The following INSR variants were observed in gnomAD, a reference collection of about 807,000 sequenced individuals.
The protein encoded by INSR is insulin receptor, also known as IR.
Under a neutral mutation model 142.6 loss-of-function variants are expected in INSR, and 67 were observed. That is an observed-to-expected ratio of 0.47 (90% CI 0.39 to 0.58). INSR has a LOEUF of 0.58. INSR is among the 20% of genes least tolerant of loss of function. INSR has a pLI of 0.00. For synonymous variants in INSR, 756 were observed against 743.1 expected (o/e 1.02, Z -0.28); for missense variants, 1,248 against 1,833.2 (o/e 0.68, Z 5.83).
chr19:7,148,598 C>T (rs1315114234), intron 11 of INSR, among the ~76,000 whole-genome samples: 2 of 150,720 alleles, frequency 1.3e-5, no homozygotes, highest in Non-Finnish European at 2.9e-5. Context: ...CTGCCTCGGC[C>T]TCCCAAGTAG....
At chr19:7,259,015 C>T (rs1266860178) in intron 2 of INSR, among the ~76,000 whole-genome samples, 1 of 133,792 alleles carries the variant, frequency 7.5e-6, no homozygotes, top group Non-Finnish European at 1.6e-5. Context: ...TTTCATTTCT[C>T]CTTCCCTCCT....
chr19:7,266,899 G>A (rs1967749356), intron 2 of INSR, among the ~76,000 whole-genome samples: 1 of 151,968 alleles, frequency 6.6e-6, no homozygotes, highest in Non-Finnish European at 1.5e-5. Context: ...AATCAGATAA[G>A]AACTAAACTA....
chr19:7,249,062 C>T (rs1266539557), intron 2 of INSR, among the ~76,000 whole-genome samples: 1 of 152,046 alleles, frequency 6.6e-6, no homozygotes, highest in Non-Finnish European at 1.5e-5. Context: ...CCCATGTCCC[C>T]CAGTATCTTT....
At chr19:7,118,769 G>T (rs968836834) in intron 21 of INSR, among the ~76,000 whole-genome samples, 1 of 128,812 alleles carries the variant, frequency 7.8e-6, no homozygotes, top group African/African-American at 2.8e-5. Context: ...AAAAAAATTA[G>T]CCAGGCGCGG....
chr19:7,125,398 C>A lies in INSR; in HGVS notation c.3143G>T (p.Gly1048Val). 2 of 1,614,158 alleles carry A rather than the reference C, an allele frequency of 1.2e-6. No individual in the cohort carries two copies. The highest frequency in any genetic ancestry group is 1.7e-6 in the Non-Finnish European group (2 of 1,180,034). ...CACCGCCACGCGGGTCTCTGCCTCA[C>A]CCTTGATGATGTCCCTGGCATTGCC... ...YEGNARDIIKGEAETRVAVKT... is the reference protein window; with the variant it reads ...YEGNARDIIKVEAETRVAVKT... The change falls in exon 17 of 22, where the codon GGT (glycine) becomes GTT (valine). Residue 1048 changes from glycine (G) to valine (V), a missense_variant. By Grantham distance (109) the Gly-to-Val change is moderately radical. Coordinates refer to ENST00000302850, the MANE Select transcript of INSR (RefSeq NM_000208.4). The surrounding 1 kb of genome is among the most constrained non-coding windows in gnomAD (Gnocchi z 4.9).
At chr19:7,134,720 G>A (rs1225710384) in intron 13 of INSR, among the ~76,000 whole-genome samples, 3 of 151,954 alleles carry the variant, frequency 2.0e-5, no homozygotes, top group Non-Finnish European at 4.4e-5. Flanking sequence ...AGTCGAGATC[G>A]TGACACTGCA....
intron 2 of INSR, among the ~76,000 whole-genome samples, chr19:7,215,144 A>G (rs1438617648): frequency 6.6e-6 from 1 of 152,010 alleles, no homozygotes; most frequent in Non-Finnish European, 1.5e-5. Context: ...TTGTAGACAA[A>G]GGTCATACAG....
chr19:7,239,402 C>CA (rs1289311895), intron 2 of INSR, among the ~76,000 whole-genome samples: 1 of 150,854 alleles, frequency 6.6e-6, no homozygotes, highest in Non-Finnish European at 1.5e-5. Context: ...CAGGGAGATG[C>CA]AAAAGAATAC....
At chr19:7,249,720 C>T (rs754493466) in intron 2 of INSR, among the ~76,000 whole-genome samples, 52 of 152,170 alleles carry the variant, frequency 3.4e-4, no homozygotes, top group Non-Finnish European at 4.6e-4. Flanking sequence ...CGGCTGGGCG[C>T]GGTGGCTCAC....
At position 7,117,035 on chromosome 19, in the gene INSR, C is replaced by T. The variant is rs201450420; in HGVS notation, c.*21G>A. On this transcript the variant is annotated 3_prime_UTR_variant, in exon 22 of 22. Coordinates refer to ENST00000302850, the MANE Select transcript of INSR (RefSeq NM_000208.4). ...AAGCGAAAATGGGAACCCCTGCCCG[C>T]CCCCGCCACGGTAGGCACTGTTAGG... The T allele has an allele frequency of 6.9e-6, 11 of 1,599,170 alleles. No individual in the cohort carries two copies. In the African/African-American group the frequency reaches 8.0e-5, roughly 12 times the overall value.
At position 7,171,917 on chromosome 19, in the gene INSR, C is replaced by CT. The variant is rs375076576; in HGVS notation, c.1268+372dup. Among the ~76,000 whole-genome samples, 1,107 of 137,522 alleles carry CT rather than the reference C, an allele frequency of 8.0e-3. 21 individuals carry two copies. The highest frequency in any genetic ancestry group is 0.052 in the Middle Eastern group (14 of 270). 90.2% of individuals were successfully genotyped at this position (137,522 alleles called of 152,430 possible). On this transcript the variant is annotated intron_variant, in intron 5 of 21. Transcript: ENST00000302850. ...ATCCTTAAGTTTTTCCTTTTCTTTT[C>CT]TTTTTTTTTTTTTGGACAGAGTCTC...
intron 2 of INSR, among the ~76,000 whole-genome samples, chr19:7,211,632 T>G (rs945626484): frequency 6.6e-6 from 1 of 152,014 alleles, no homozygotes; most frequent in African/African-American, 2.4e-5. Flanking sequence ...AACCAAAACA[T>G]GCACAATCCC....
rs1241377777 is a variant in INSR, at chr19:7,167,949, C to T, written c.1610+19G>A. The T allele has an allele frequency of 6.2e-7, 1 of 1,613,830 alleles. No individual in the cohort carries two copies. The highest frequency in any genetic ancestry group is 8.5e-7 in the Non-Finnish European group (1 of 1,179,866). On this transcript the variant is annotated intron_variant, in intron 7 of 21. Coordinates refer to ENST00000302850, the MANE Select transcript of INSR (RefSeq NM_000208.4). ...GCCAGCCCTCGCCTCCTCAGCGTCT[C>T]TCTAACTCTTCTACTTACGCCTCTT...
At chr19:7,228,140 G>T (rs955294304) in intron 2 of INSR, among the ~76,000 whole-genome samples, 1 of 152,158 alleles carries the variant, frequency 6.6e-6, no homozygotes, top group Non-Finnish European at 1.5e-5. Flanking sequence ...TAACTTTAGT[G>T]ATGACACAGG....
intron 1 of INSR, among the ~76,000 whole-genome samples, chr19:7,293,056 A>T (rs1968539253): frequency 6.6e-6 from 1 of 152,146 alleles, no homozygotes; most frequent in African/African-American, 2.4e-5. Flanking sequence ...TGGGTGCATA[A>T]CTGTATCTGC....
chr19:7,267,994 C>A lies in INSR; in HGVS notation c.101-98G>T, dbSNP rs888086086. 4.8e-6 allele frequency: 5 copies of A among 1,040,750 alleles called. No individual in the cohort carries two copies. In the African/African-American group the frequency reaches 7.9e-5, roughly 16 times the overall value. The allele number at this position is 1,040,750 out of a possible 1,614,324, so 64.5% of individuals were successfully genotyped here. On this transcript the variant is annotated intron_variant, in intron 1 of 21. Transcript: ENST00000302850. The surrounding 1 kb of genome is among the most constrained non-coding windows in gnomAD (Gnocchi z 6.3). ...CAGAGCCGGCTTCATGGACAGGAAA[C>A]CTGGGCCCTGTGTTTTCATCCCGGG...
At chr19:7,286,282 C>A (rs1373937106) in intron 1 of INSR, among the ~76,000 whole-genome samples, 2 of 151,988 alleles carry the variant, frequency 1.3e-5, no homozygotes, top group African/African-American at 2.4e-5. Context: ...TGACACCTAG[C>A]CTAAAAAATT....
At chr19:7,281,298 C>G (rs1319560697) in intron 1 of INSR, among the ~76,000 whole-genome samples, 1 of 151,840 alleles carries the variant, frequency 6.6e-6, no homozygotes. Context: ...AAGGAAACAA[C>G]AAGATACATC....
chr19:7,274,260 T>C (rs755124831), intron 1 of INSR, among the ~76,000 whole-genome samples: 2 of 152,018 alleles, frequency 1.3e-5, no homozygotes, highest in Non-Finnish European at 2.9e-5. Flanking sequence ...TTCGAGCTCC[T>C]ATCAGAATCT....
Sources: allele counts gnomAD v4.1 joint callset (sites outside exome capture counted in the v4.1 genomes callset), GRCh38; gene constraint gnomAD v4.1.1; non-coding constraint Gnocchi (gnomAD v3.1); transcripts MANE v1.5; gene names NCBI Gene and HGNC (gene_info 2026-07-23, HGNC 2026-07-21).